The following APC variants were observed in gnomAD, a reference collection of about 807,000 sequenced individuals.
APC encodes the protein adenomatous polyposis coli protein.
A neutral mutation model predicts 247.0 loss-of-function variants in APC; 72 were observed. The observed-to-expected ratio is 0.29, with a 90% CI of 0.24 to 0.35. APC has a LOEUF of 0.35. APC is among the 10% of genes least tolerant of loss of function. The probability of loss-of-function intolerance (pLI) is 1.00; values close to 1 mark genes in which losing one functional copy is unlikely to be tolerated. For missense variants in APC, 3,400 were observed against 3,360.7 expected (o/e 1.01, Z -0.29); for synonymous variants, 1,254 against 1,162.5 (o/e 1.08, Z -1.60).
rs1580655351 is a variant in APC at position 112,840,616 on chromosome 5, A to C, written c.5022A>C (p.Gly1674=). The change falls in exon 16 of 16, where the codon GGA becomes GGC. Residue 1674 remains glycine, a synonymous_variant. Coordinates refer to ENST00000257430, the MANE Select transcript of APC (RefSeq NM_000038.6). This position sits in a 1 kb window ranked among gnomAD's most constrained non-coding sequence, Gnocchi z 4.1. ...SPPNELAAGE[G]VRGGAQSGEF... is the part of the protein sequence containing the mutation. ...CAAATGAGTTAGCTGCTGGAGAAGGAGTTAGAGGAGGGGCACAGTCAGGTG... is the reference window on the plus strand; with the variant it reads ...CAAATGAGTTAGCTGCTGGAGAAGGCGTTAGAGGAGGGGCACAGTCAGGTG... 2 of 1,614,076 alleles carry C rather than the reference A, an allele frequency of 1.2e-6. No homozygotes were observed. The highest frequency in any genetic ancestry group is 1.7e-6 in the Non-Finnish European group (2 of 1,179,968).
intron 8 of APC, 28 bp downstream of exon 8, chr5:112,801,411 TA>T: frequency 7.0e-7 from 1 of 1,433,936 alleles, no homozygotes; most frequent in Non-Finnish European, 9.6e-7. Context: ...TCATATTTTT[TA>T]AAATTATTTA....
chr5:112,711,842 C>G (rs928639733), intron 1 of APC, among the ~76,000 whole-genome samples: 1 of 152,206 alleles, frequency 6.6e-6, no homozygotes, highest in African/African-American at 2.4e-5. Flanking sequence ...ATCTGCTGTT[C>G]TCTCAACATT....
At chr5:112,727,489 T>C (rs1751854125) in intron 1 of APC, among the ~76,000 whole-genome samples, 1 of 152,212 alleles carries the variant, frequency 6.6e-6, no homozygotes, top group Non-Finnish European at 1.5e-5. Context: ...GCCATTACTA[T>C]GCCCTATATT....
At chr5:112,709,844 G>A (rs1388972704) in intron 1 of APC, among the ~76,000 whole-genome samples, 2 of 152,188 alleles carry the variant, frequency 1.3e-5, no homozygotes, top group Admixed American at 6.5e-5. Context: ...TGTGGAGGTT[G>A]CAGTGAGCCA....
chr5:112,755,803 A>G (rs563389935), intron 2 of APC, among the ~76,000 whole-genome samples: 5 of 152,302 alleles, frequency 3.3e-5, no homozygotes, highest in African/African-American at 1.2e-4. Context: ...ATAGAATTGG[A>G]CATTATCAAC....
At chr5:112,725,433 T>A (rs554470649) in intron 1 of APC, among the ~76,000 whole-genome samples, 4 of 151,994 alleles carry the variant, frequency 2.6e-5, no homozygotes, top group African/African-American at 7.3e-5. Context: ...AATATCAGAA[T>A]AGTGTTAGAA....
chr5:112,821,832 A>G (rs1176324108), intron 10 of APC, 64 bp from the exon 11 acceptor site: 2 of 1,310,680 alleles, frequency 1.5e-6, no homozygotes, highest in East Asian at 2.3e-5. Context: ...TTTTTAAAGT[A>G]CAATAAACAT....
rs762990578 is a variant in APC at position 112,838,038 on chromosome 5, A to C, written c.2444A>C (p.Asn815Thr). Reference sequence around the variant, plus strand: ...GATGATAATAGGTCAGACAATTTTAATACTGGCAACATGACTGTCCTTTCA... The same window carrying C: ...GATGATAATAGGTCAGACAATTTTACTACTGGCAACATGACTGTCCTTTCA... Reference protein sequence around the residue: ...RHDDNRSDNFNTGNMTVLSPY... With the variant: ...RHDDNRSDNFTTGNMTVLSPY... Residue 815 changes from asparagine (N) to threonine (T), a missense_variant, in exon 16 of 16, where the codon AAT (asparagine) becomes ACT (threonine). Asn to Thr is a moderately conservative substitution (Grantham distance 65). Transcript: ENST00000257430. The C allele has an allele frequency of 8.3e-5, 134 of 1,614,072 alleles. No homozygotes were observed. Among genetic ancestry groups the C allele is most frequent in the Non-Finnish European group, 1.1e-4 (133 of 1,180,034 alleles).
In APC at chr5:112,840,391, A is replaced by C; in HGVS notation, c.4797A>C (p.Ser1599=). The stretch of plus-strand genomic sequence containing the variant: ...CAAAAAAGCCAGCCCAGACTGCTTC[A>C]AAATTACCTCCACCTGTGGCAAGGA... ...RKAKKPAQTA[S]KLPPPVARKP... is the part of the protein sequence containing the mutation. Residue 1599 remains serine (S), a synonymous_variant, in exon 16 of 16, where the codon TCA becomes TCC. Coordinates refer to ENST00000257430, the MANE Select transcript of APC (RefSeq NM_000038.6). The surrounding 1 kb of genome is among the most constrained non-coding windows in gnomAD (Gnocchi z 4.1). The C allele has an allele frequency of 6.2e-7, 1 of 1,614,230 alleles. No homozygotes were observed. Among genetic ancestry groups the C allele is most frequent in the Non-Finnish European group, 8.5e-7 (1 of 1,180,038 alleles).
chr5:112,818,570 A>G (rs1021195166), intron 9 of APC, among the ~76,000 whole-genome samples: 2 of 152,204 alleles, frequency 1.3e-5, no homozygotes, highest in African/African-American at 2.4e-5. Flanking sequence ...ATAAAGTTTT[A>G]AATTATGTAA....
At position 112,843,511 on chromosome 5, in the gene APC, A is replaced by T. The variant is rs747568628; in HGVS notation, c.7917A>T (p.Glu2639Asp). The T allele has an allele frequency of 1.9e-6, 3 of 1,613,884 alleles. No homozygotes were observed. The South Asian group carries it at 3.3e-5, about 18-fold the overall frequency. ...TVSSGATNGA[E>D]SKTLIYQMAP... ...CCTCAGGTGCTACAAATGGTGCTGAATCAAAGACTCTAATTTATCAAATGG... is the reference window on the plus strand; with the variant it reads ...CCTCAGGTGCTACAAATGGTGCTGATTCAAAGACTCTAATTTATCAAATGG... The change falls in exon 16 of 16, where the codon GAA becomes GAT. Residue 2639 changes from glutamate (E) to aspartate (D), a missense_variant. By Grantham distance (45) the Glu-to-Asp change is conservative. Transcript: ENST00000257430. This position sits in a 1 kb window ranked among gnomAD's most constrained non-coding sequence, Gnocchi z 4.8.
Position 112,822,526 on chromosome 5 carries a change from C to T in APC, c.1408+535C>T, listed in dbSNP as rs1183716897. ...ATTATGCTTTAAGTCAGAAACATTT[C>T]ATTATAACTTTGGAATGATTACTTC... is the stretch of plus-strand genomic sequence containing the variant. On this transcript the variant is annotated intron_variant, in intron 11 of 15. Transcript: ENST00000257430. Among the ~76,000 whole-genome samples the T allele has an allele frequency of 3.3e-5, 5 of 152,168 alleles. No individual in the cohort carries two copies. The East Asian group carries it at 7.7e-4, about 23-fold the overall frequency.
At chr5:112,772,407 A>G (rs1757156855) in intron 4 of APC, among the ~76,000 whole-genome samples, 1 of 152,152 alleles carries the variant, frequency 6.6e-6, no homozygotes, top group African/African-American at 2.4e-5. Context: ...CTACAGGTTA[A>G]TCTTAAACTT....
In APC at chr5:112,842,351, C is replaced by T. The variant is rs786203252; in HGVS notation, c.6757C>T (p.Leu2253Phe). Reference protein sequence around the residue: ...TSPVSKKGPPLKTPASKSPSE... With the variant: ...TSPVSKKGPPFKTPASKSPSE... The stretch of plus-strand genomic sequence containing the variant: ...TCCTGTTTCTAAAAAAGGCCCACCC[C>T]TTAAGACTCCAGCCTCCAAAAGCCC... Residue 2253 changes from leucine (L) to phenylalanine (F), a missense_variant, in exon 16 of 16, where the codon CTT (leucine) becomes TTT (phenylalanine). Leu to Phe is a conservative substitution (Grantham distance 22). Coordinates refer to ENST00000257430, the MANE Select transcript of APC (RefSeq NM_000038.6). The T allele has an allele frequency of 6.2e-7, 1 of 1,613,920 alleles. No homozygotes were observed. The highest frequency in any genetic ancestry group is 8.5e-7 in the Non-Finnish European group (1 of 1,179,940).
chr5:112,712,951 A>C (rs899906791), intron 1 of APC, among the ~76,000 whole-genome samples: 5 of 152,134 alleles, frequency 3.3e-5, no homozygotes, highest in Non-Finnish European at 7.4e-5. Flanking sequence ...CGGGCGGATC[A>C]CTTGAGGTTA....
chr5:112,717,176 A>G (rs980316040), intron 1 of APC, among the ~76,000 whole-genome samples: 1 of 151,948 alleles, frequency 6.6e-6, no homozygotes, highest in African/African-American at 2.4e-5. Flanking sequence ...ACGCCTGCCT[A>G]ATTTTTTTGT....
intron 8 of APC, chr5:112,810,069 A>G (rs369049298): frequency 2.0e-5 from 9 of 449,830 alleles, no homozygotes; most frequent in Non-Finnish European, 4.0e-5. Context: ...AAGAGAGAAA[A>G]GATCGTTAAC....
rs998430374 is a variant in APC at position 112,748,529 on chromosome 5, A to G, written c.-18-6344A>G. 1.9e-4 allele frequency among the ~76,000 whole-genome samples: 29 copies of G among 152,272 alleles called. No individual in the cohort carries two copies. In the East Asian group the frequency reaches 4.6e-3, roughly 24 times the overall value. The stretch of plus-strand genomic sequence containing the variant: ...TGGAAGTGTGGATAGTAGACATCTT[A>G]TTCCTGATTTTAAAGAGAATGTCTG... On this transcript the variant is annotated intron_variant, in intron 1 of 15. Transcript: ENST00000257430.
At chr5:112,802,708 A>G (rs1408338074) in intron 8 of APC, among the ~76,000 whole-genome samples, 1 of 152,114 alleles carries the variant, frequency 6.6e-6, no homozygotes, top group Non-Finnish European at 1.5e-5. Context: ...TATAATCATG[A>G]TGTAGGTGGG....
Sources: allele counts gnomAD v4.1 joint callset (sites outside exome capture counted in the v4.1 genomes callset), GRCh38; gene constraint gnomAD v4.1.1; non-coding constraint Gnocchi (gnomAD v3.1); transcripts MANE v1.5; gene names NCBI Gene and HGNC (gene_info 2026-07-23, HGNC 2026-07-21).